NRG3: variants seen among roughly 807,000 people sequenced by gnomAD.
NRG3 encodes the protein pro-neuregulin-3, membrane-bound isoform.
Under a neutral mutation model 66.9 loss-of-function variants are expected in NRG3, and 31 were observed. The observed-to-expected ratio is 0.46, with a 90% CI of 0.35 to 0.63. The LOEUF is 0.63. Ranked by LOEUF, NRG3 falls within the 20% of genes least tolerant of loss-of-function variation. The pLI, the probability that NRG3 is intolerant of heterozygous loss-of-function variation, is 0.00. For synonymous variants in NRG3, 393 were observed against 359.4 expected, an observed-to-expected ratio of 1.09 and a Z score of -1.06; for missense variants, 910 against 878.9, an observed-to-expected ratio of 1.04 and a Z score of -0.45.
At chr10:82,024,476 A>G (rs758397401) in intron 1 of NRG3, among the ~76,000 whole-genome samples, 1 of 152,042 alleles carries the variant, frequency 6.6e-6, no homozygotes, top group Non-Finnish European at 1.5e-5. Flanking sequence ...TCACATGGCT[A>G]CCAGAAAATT....
intron 2 of NRG3, among the ~76,000 whole-genome samples, chr10:82,688,021 C>A (rs1354329241): frequency 6.6e-6 from 1 of 152,190 alleles, no homozygotes; most frequent in African/African-American, 2.4e-5. Context: ...TCAGTACATC[C>A]TTGAACTCAC....
chr10:82,745,904 T>C (rs1383723527), intron 3 of NRG3, among the ~76,000 whole-genome samples: 1 of 152,130 alleles, frequency 6.6e-6, no homozygotes, highest in Non-Finnish European at 1.5e-5. Flanking sequence ...GTTTGTTTGG[T>C]TTTTAGAGGC....
At chr10:82,963,598 T>G (rs1299854241) in intron 6 of NRG3, among the ~76,000 whole-genome samples, 1 of 152,120 alleles carries the variant, frequency 6.6e-6, no homozygotes, top group African/African-American at 2.4e-5. Flanking sequence ...GAGAATTACG[T>G]GAACCCAGGA....
chr10:82,255,080 T>C (rs1282323616), intron 1 of NRG3, among the ~76,000 whole-genome samples: 4 of 152,196 alleles, frequency 2.6e-5, no homozygotes, highest in Non-Finnish European at 1.5e-5. Flanking sequence ...CTCACAATCA[T>C]AAGTGATGCT....
chr10:82,391,803 A>C lies in NRG3; in HGVS notation c.953+32935A>C, dbSNP rs185602906. On this transcript the variant is annotated intron_variant, in intron 2 of 8. Coordinates refer to ENST00000372141, the MANE Select transcript of NRG3 (RefSeq NM_001010848.4). ...TCAGTCTCTATACTACAGCAGTTGA[A>C]ATAGACCTTACATAATACACACCCT... 2.0e-5 allele frequency among the ~76,000 whole-genome samples: 3 copies of C among 152,194 alleles called. No homozygotes were observed. The East Asian group carries it at 5.8e-4, about 29-fold the overall frequency.
At chr10:82,594,794 G>GC (rs1488751207) in intron 2 of NRG3, among the ~76,000 whole-genome samples, 1 of 150,386 alleles carries the variant, frequency 6.6e-6, no homozygotes. Context: ...TTAGACCCCT[G>GC]CATGTTCTTA....
At chr10:82,017,870 T>G (rs941303679) in intron 1 of NRG3, among the ~76,000 whole-genome samples, 5 of 151,892 alleles carry the variant, frequency 3.3e-5, no homozygotes, top group African/African-American at 1.2e-4. Flanking sequence ...TTGCAAAAAT[T>G]TTCTCCCATT....
chr10:82,403,051 A>G (rs1315772758), intron 2 of NRG3, among the ~76,000 whole-genome samples: 2 of 152,216 alleles, frequency 1.3e-5, no homozygotes, highest in Admixed American at 1.3e-4. Flanking sequence ...GATGAGGTCA[A>G]GAATGAGTAA....
intron 2 of NRG3, among the ~76,000 whole-genome samples, chr10:82,367,390 T>A (rs1353679247): frequency 6.6e-6 from 1 of 152,164 alleles, no homozygotes; most frequent in African/African-American, 2.4e-5. Flanking sequence ...ACCTTGAAAA[T>A]TACTGGAGTG....
chr10:82,612,273 A>G (rs1309051764), intron 2 of NRG3, among the ~76,000 whole-genome samples: 2 of 151,998 alleles, frequency 1.3e-5, no homozygotes, highest in Non-Finnish European at 2.9e-5. Flanking sequence ...TTAACGTTGT[A>G]TGTCTTCCTT....
intron 2 of NRG3, among the ~76,000 whole-genome samples, chr10:82,490,946 G>T (rs1269197689): frequency 6.6e-6 from 1 of 151,930 alleles, no homozygotes; most frequent in African/African-American, 2.4e-5. Flanking sequence ...AGCCAATATG[G>T]CAGCGTGACC....
At chr10:82,288,849 C>G (rs150002905) in intron 1 of NRG3, among the ~76,000 whole-genome samples, 1 of 152,276 alleles carries the variant, frequency 6.6e-6, no homozygotes, top group East Asian at 1.9e-4. Context: ...TGTGAGATGG[C>G]TCATGAGTAA....
At chr10:82,414,038 T>C (rs946736009) in intron 2 of NRG3, among the ~76,000 whole-genome samples, 2 of 152,154 alleles carry the variant, frequency 1.3e-5, no homozygotes, top group Non-Finnish European at 2.9e-5. Flanking sequence ...GAGTAGCACT[T>C]TTAATTTTCC....
At chr10:82,927,445 G>A (rs982431937) in intron 4 of NRG3, among the ~76,000 whole-genome samples, 1 of 152,010 alleles carries the variant, frequency 6.6e-6, no homozygotes, top group Non-Finnish European at 1.5e-5. Flanking sequence ...GTGGTTTGCT[G>A]CACCTATCAA....
intron 2 of NRG3, among the ~76,000 whole-genome samples, chr10:82,382,810 A>G (rs1004329960): frequency 6.6e-6 from 1 of 151,962 alleles, no homozygotes; most frequent in Admixed American, 6.6e-5. Flanking sequence ...ATCAAAACCC[A>G]TTCAATGGAG....
chr10:82,085,356 G>A (rs962075644), intron 1 of NRG3, among the ~76,000 whole-genome samples: 11 of 152,274 alleles, frequency 7.2e-5, no homozygotes, highest in African/African-American at 2.6e-4. Context: ...GCAGGGTGTT[G>A]TGGTCTCTTT....
Position 82,448,439 on chromosome 10 carries a change from A to C in NRG3, c.953+89571A>C, listed in dbSNP as rs185036404. On this transcript the variant is annotated intron_variant, in intron 2 of 8. Transcript: ENST00000372141. ...TGCATACATTTACAGAGTATTTTCT[A>C]TGAACCAGGAACCGAGCATGTGGTG... Among the ~76,000 whole-genome samples the C allele has an allele frequency of 4.6e-5, 7 of 152,364 alleles. No homozygotes were observed. The East Asian group carries it at 1.3e-3, about 29-fold the overall frequency.
intron 1 of NRG3, among the ~76,000 whole-genome samples, chr10:81,982,065 C>A (rs532338013): frequency 7.2e-5 from 11 of 152,082 alleles, no homozygotes; most frequent in East Asian, 5.8e-4. Context: ...GTTCTGGTTG[C>A]TTTTTGCTTA....
At chr10:81,967,714 T>G (rs2059783952) in intron 1 of NRG3, among the ~76,000 whole-genome samples, 1 of 152,238 alleles carries the variant, frequency 6.6e-6, no homozygotes, top group South Asian at 2.1e-4. Context: ...CCATAAAAGT[T>G]AATGTCTTTC....
Sources: allele counts gnomAD v4.1 joint callset (sites outside exome capture counted in the v4.1 genomes callset), GRCh38; gene constraint gnomAD v4.1.1; transcripts MANE v1.5; gene names NCBI Gene and HGNC (gene_info 2026-07-23, HGNC 2026-07-21).